The following LPP variants were observed in gnomAD, a reference collection of about 807,000 sequenced individuals.
LPP encodes the protein LIM domain containing preferred translocation partner in lipoma.
Under a neutral mutation model 60.4 loss-of-function variants are expected in LPP, and 38 were observed. The ratio of observed to expected loss-of-function variants is 0.63; its 90% CI spans 0.49 to 0.83. LPP has a LOEUF of 0.83. Among genes scored for constraint, LPP ranks in the 40% least tolerant of loss-of-function variants. The probability of loss-of-function intolerance (pLI) is 0.00; values close to 1 mark genes in which losing one functional copy is unlikely to be tolerated. For missense variants in LPP, 902 were observed against 783.6 expected, an observed-to-expected ratio of 1.15 and a Z score of -1.80; for synonymous variants, 328 against 290.8, an observed-to-expected ratio of 1.13 and a Z score of -1.30.
At chr3:188,384,408 C>G (rs1186738636) in intron 3 of LPP, among the ~76,000 whole-genome samples, 1 of 151,342 alleles carries the variant, frequency 6.6e-6, no homozygotes, top group Non-Finnish European at 1.5e-5. Flanking sequence ...ATAATGGGGA[C>G]AGAATCACTT....
intron 9 of LPP, among the ~76,000 whole-genome samples, chr3:188,846,621 T>G (rs1372928985): frequency 6.8e-6 from 1 of 146,480 alleles, no homozygotes; most frequent in African/African-American, 2.6e-5. Context: ...GAGGTGGAGG[T>G]TGCAGTGAGC....
intron 2 of LPP, among the ~76,000 whole-genome samples, chr3:188,323,084 G>A (rs1175438844): frequency 1.3e-5 from 2 of 152,160 alleles, no homozygotes; most frequent in Non-Finnish European, 1.5e-5. Flanking sequence ...AAAAAGCTTG[G>A]ACTAAAAGCG....
chr3:188,515,220 G>A (rs1329763499), intron 5 of LPP, among the ~76,000 whole-genome samples: 1 of 152,030 alleles, frequency 6.6e-6, no homozygotes, highest in Non-Finnish European at 1.5e-5. Flanking sequence ...CATCCCCTTG[G>A]TAATGAGTGA....
intron 6 of LPP, among the ~76,000 whole-genome samples, chr3:188,552,980 G>C (rs1515430): frequency 0.47 from 70,710 of 151,966 alleles, 17,264 homozygotes; most frequent in East Asian, 0.92. Context: ...TGGAGGCTGA[G>C]ATTGTGAGAA....
chr3:188,782,321 A>G (rs1417328669), intron 9 of LPP, among the ~76,000 whole-genome samples: 1 of 152,194 alleles, frequency 6.6e-6, no homozygotes. Context: ...GGAAGCTGAA[A>G]AGCAATGTAC....
intron 7 of LPP, among the ~76,000 whole-genome samples, chr3:188,670,411 TTTACTG>T (rs1283951147): frequency 4.6e-5 from 7 of 152,074 alleles, no homozygotes; most frequent in Admixed American, 4.6e-4. Flanking sequence ...TCAAATATCA[TTTACTG>T]AGAAAATCAG....
In LPP at chr3:188,462,588, A is replaced by ATG. The variant is rs71169003; in HGVS notation, c.194-21958_194-21957dup. Among the ~76,000 whole-genome samples, 451 of 58,276 alleles carry ATG rather than the reference A, an allele frequency of 7.7e-3. 14 individuals carry two copies. The highest frequency in any genetic ancestry group is 0.022 in the African/African-American group (355 of 15,890). The allele number at this position is 58,276 out of a possible 152,430, so 38.2% of individuals were successfully genotyped here. On this transcript the variant is annotated intron_variant, in intron 4 of 11. Coordinates refer to ENST00000617246, the MANE Select transcript of LPP (RefSeq NM_001375462.1). ...TATATATATATATATATATATATGC[A>ATG]TGTGTGTGTGTGTGTGTGTGTGTGT...
intron 7 of LPP, among the ~76,000 whole-genome samples, chr3:188,630,400 C>A (rs1338195097): frequency 6.6e-6 from 1 of 152,084 alleles, no homozygotes; most frequent in Non-Finnish European, 1.5e-5. Context: ...AAATGCAAAT[C>A]AAAAACACAA....
intron 1 of LPP, among the ~76,000 whole-genome samples, chr3:188,203,286 C>T (rs1213168606): frequency 8.7e-6 from 1 of 114,426 alleles, no homozygotes; most frequent in Non-Finnish European, 1.6e-5. Flanking sequence ...AATATAATTT[C>T]ATTATAATAA....
chr3:188,421,470 A>G (rs73050787), intron 4 of LPP, among the ~76,000 whole-genome samples: 2,851 of 152,286 alleles, frequency 0.019, 96 homozygotes, highest in African/African-American at 0.066. Flanking sequence ...ACTGTGTTTA[A>G]TCAAGGCAGA....
intron 8 of LPP, among the ~76,000 whole-genome samples, chr3:188,725,062 G>A (rs779891082): frequency 6.6e-6 from 1 of 152,200 alleles, no homozygotes; most frequent in Non-Finnish European, 1.5e-5. Flanking sequence ...GATGGTTCAG[G>A]AAGTCAGACA....
At chr3:188,766,378 C>CAAAAAAAAAAAAAAAAAAAAAA (rs142374028) in intron 9 of LPP, among the ~76,000 whole-genome samples, 13 of 124,664 alleles carry the variant, frequency 1.0e-4, no homozygotes, top group South Asian at 3.6e-4. Flanking sequence ...CCTTAAAAAG[C>CAAAAAAAAAAAAAAAAAAAAAA]AAAAAAAAAA....
At position 188,890,332 on chromosome 3, in the gene LPP, A is replaced by G. The variant is rs980452100; in HGVS notation, c.*15853A>G. The G allele has an allele frequency of 4.4e-5, 9 of 206,228 alleles. No individual in the cohort carries two copies. Among genetic ancestry groups the G allele is most frequent in the African/African-American group, 2.0e-4 (9 of 44,002 alleles). 12.8% of individuals were successfully genotyped at this position (206,228 alleles called of 1,614,324 possible). A position where few individuals can be genotyped will look rare whatever the true frequency, so the allele number is the denominator to read the frequency against. ...GACAGAGCCATGGTATTCCTAAAAT[A>G]TAGGTTTCTCTTTTTTCTTGTATTC... On this transcript the variant is annotated 3_prime_UTR_variant, in exon 12 of 12. Transcript: ENST00000617246.
intron 7 of LPP, among the ~76,000 whole-genome samples, chr3:188,655,909 G>T (rs1385026244): frequency 6.6e-6 from 1 of 151,976 alleles, no homozygotes; most frequent in Non-Finnish European, 1.5e-5. Context: ...AACACTTTGG[G>T]CCAGTTGCGG....
chr3:188,302,199 A>G (rs112739232), intron 2 of LPP, among the ~76,000 whole-genome samples: 3,922 of 152,188 alleles, frequency 0.026, 169 homozygotes, highest in African/African-American at 0.088. Context: ...CCTTCCTTCA[A>G]TGTAATTTCT....
At chr3:188,392,861 A>G (rs1334783053) in intron 3 of LPP, among the ~76,000 whole-genome samples, 1 of 152,156 alleles carries the variant, frequency 6.6e-6, no homozygotes, top group Non-Finnish European at 1.5e-5. Context: ...AATAGGCCAT[A>G]AAAGAACCAC....
intron 9 of LPP, among the ~76,000 whole-genome samples, chr3:188,790,088 G>A (rs1743205169): frequency 6.6e-6 from 1 of 151,940 alleles, no homozygotes; most frequent in African/African-American, 2.4e-5. Flanking sequence ...AAGGCACAGT[G>A]GTATTCTGTT....
intron 9 of LPP, among the ~76,000 whole-genome samples, chr3:188,862,032 G>A (rs535752646): frequency 1.7e-4 from 26 of 152,154 alleles, no homozygotes; most frequent in Non-Finnish European, 1.0e-4. Context: ...TCCACAGCTC[G>A]TTACCAATTA....
At chr3:188,328,152 A>G (rs1381572266) in intron 2 of LPP, among the ~76,000 whole-genome samples, 1 of 152,172 alleles carries the variant, frequency 6.6e-6, no homozygotes. Flanking sequence ...TTTTCACATT[A>G]CCTAAAGTTA....
Sources: gnomAD v4.1 joint callset for allele counts (sites outside exome capture counted in the v4.1 genomes callset) on GRCh38, gnomAD v4.1.1 for gene constraint, MANE v1.5 for transcripts, NCBI Gene and HGNC (gene_info 2026-07-23, HGNC 2026-07-21) for gene names.